The following MTA3 variants were observed in gnomAD, a reference collection of about 807,000 sequenced individuals.
MTA3 encodes the protein metastasis-associated protein MTA3.
MTA3 carries 34 observed loss-of-function variants against 83.5 expected under a neutral mutation model. The ratio of observed to expected loss-of-function variants is 0.41; its 90% CI spans 0.31 to 0.54. MTA3 has a LOEUF of 0.54. Among genes scored for constraint, MTA3 ranks in the 20% least tolerant of loss-of-function variants. The pLI is 0.33. For missense variants in MTA3, 761 were observed against 726.4 expected (o/e 1.05, Z -0.55); for synonymous variants, 303 against 252.7 (o/e 1.20, Z -1.89).
intron 2 of MTA3, among the ~76,000 whole-genome samples, chr2:42,522,309 G>A (rs1429910377): frequency 6.6e-6 from 1 of 152,146 alleles, no homozygotes; most frequent in East Asian, 1.9e-4. Flanking sequence ...TGTGTCAAGG[G>A]TACAATCAGA....
At chr2:42,577,091 T>TAA (rs1173783991) in intron 2 of MTA3, among the ~76,000 whole-genome samples, 47 of 19,212 alleles carry the variant, frequency 2.4e-3, no homozygotes, top group African/African-American at 0.011. Context: ...GTACTCCATC[T>TAA]AAAAAAAAAA....
At position 42,659,846 on chromosome 2, in the gene MTA3, C is replaced by T; in HGVS notation, c.686C>T (p.Ser229Phe). Reference sequence around the variant, plus strand: ...TTGCATATGAGTGCTGCTGCAGCTTCCCGAGACATCACCTTGGTAAGACAT... The same window carrying T: ...TTGCATATGAGTGCTGCTGCAGCTTTCCGAGACATCACCTTGGTAAGACAT... The part of the protein sequence containing the change: ...PSLHMSAAAA[S>F]RDITLFHAMD... Residue 229 changes from serine to phenylalanine, a missense_variant, in exon 8 of 17, where the codon TCC becomes TTC. Transcript: ENST00000405094. 1 of 1,603,214 alleles carries T rather than the reference C, an allele frequency of 6.2e-7. No homozygotes were observed. The highest frequency in any genetic ancestry group is 8.5e-7 in the Non-Finnish European group (1 of 1,175,044).
intron 2 of MTA3, among the ~76,000 whole-genome samples, chr2:42,508,167 C>G (rs1674723883): frequency 6.6e-6 from 1 of 152,066 alleles, no homozygotes; most frequent in African/African-American, 2.4e-5. Context: ...TCAGTCAAGT[C>G]TCAGTTCAAA....
chr2:42,499,478 A>G (rs1382069958), intron 2 of MTA3, among the ~76,000 whole-genome samples: 1 of 149,554 alleles, frequency 6.7e-6, no homozygotes, highest in African/African-American at 2.5e-5. Flanking sequence ...GGTAGATCTT[A>G]TAGGTGTTCT....
At chr2:42,577,217 G>A (rs1256670970) in intron 2 of MTA3, among the ~76,000 whole-genome samples, 1 of 150,192 alleles carries the variant, frequency 6.7e-6, no homozygotes, top group Non-Finnish European at 1.5e-5. Context: ...GTTGCAGACT[G>A]GCACTGGGCT....
At chr2:42,650,524 C>T (rs1390066884) in intron 6 of MTA3, among the ~76,000 whole-genome samples, 40 of 151,972 alleles carry the variant, frequency 2.6e-4, no homozygotes, top group Admixed American at 2.6e-3. Context: ...ACTGCAAGCT[C>T]CGCCTCCCGG....
intron 4 of MTA3, among the ~76,000 whole-genome samples, chr2:42,632,332 C>T (rs1036532574): frequency 8.6e-5 from 13 of 152,002 alleles, no homozygotes; most frequent in East Asian, 3.9e-4. Flanking sequence ...CCTCATGATC[C>T]GCCCACCTCG....
chr2:42,508,775 T>G (rs1474354026), intron 2 of MTA3, among the ~76,000 whole-genome samples: 1 of 147,120 alleles, frequency 6.8e-6, no homozygotes, highest in Non-Finnish European at 1.5e-5. Context: ...TTATATAATA[T>G]ATTTAATATA....
At chr2:42,666,123 A>G (rs1354772874) in intron 8 of MTA3, among the ~76,000 whole-genome samples, 1 of 152,040 alleles carries the variant, frequency 6.6e-6, no homozygotes, top group Non-Finnish European at 1.5e-5. Context: ...TAAAAATACA[A>G]AAAATTAGCT....
At chr2:42,708,789 C>T (rs888293905) in intron 13 of MTA3, 85 bp from the exon 14 acceptor site, 10 of 1,381,002 alleles carry the variant, frequency 7.2e-6, no homozygotes, top group Non-Finnish European at 1.0e-5. Flanking sequence ...TTAAAAGTTG[C>T]ACTTTTCTTT....
rs1442528026 is a variant in MTA3, at chr2:42,709,074, T to C, written c.1503T>C (p.Asn501=). Residue 501 remains asparagine (N), a synonymous_variant, in exon 14 of 17, where the codon AAT becomes AAC. Coordinates refer to ENST00000405094, the MANE Select transcript of MTA3 (RefSeq NM_001330442.2). ...CAAGACGGCCGTTTGTTGCTATTAA[T>C]TATGCTGCCATTAGGGCAGAATGTA... is the stretch of plus-strand genomic sequence containing the variant. ...QAARRPFVAI[N]YAAIRAEYAD... is the part of the protein sequence containing the mutation. 6.2e-7 allele frequency: 1 copy of C among 1,607,768 alleles called. No homozygotes were observed. Among genetic ancestry groups the C allele is most frequent in the African/African-American group, 1.3e-5 (1 of 74,800 alleles).
chr2:42,518,094 T>A (rs1394540792), intron 2 of MTA3, among the ~76,000 whole-genome samples: 2 of 151,734 alleles, frequency 1.3e-5, no homozygotes, highest in Non-Finnish European at 2.9e-5. Context: ...GGCAGGAGAA[T>A]CGCTTGAACC....
At chr2:42,592,735 AAC>A (rs2103946299) in intron 3 of MTA3, among the ~76,000 whole-genome samples, 1 of 152,338 alleles carries the variant, frequency 6.6e-6, no homozygotes, top group East Asian at 1.9e-4. Flanking sequence ...CAGGAACAGT[AAC>A]ACACACGGAG....
At position 42,681,756 on chromosome 2, in the gene MTA3, C is replaced by T. The variant is rs145643491; in HGVS notation, c.703-645C>T. On this transcript the variant is annotated intron_variant, in intron 8 of 16. Coordinates refer to ENST00000405094, the MANE Select transcript of MTA3 (RefSeq NM_001330442.2). ...AAACTCCTGGGCTCAAGTGTTCCTC[C>T]CACCTTGGCTTCTCAAAGCGCTGGG... Among the ~76,000 whole-genome samples, 810 of 152,070 alleles carry T rather than the reference C, an allele frequency of 5.3e-3. 1 individual carries two copies. Among genetic ancestry groups the T allele is most frequent in the Non-Finnish European group, 8.7e-3 (594 of 67,982 alleles).
At chr2:42,733,843 A>G (rs1345778847) in intron 16 of MTA3, among the ~76,000 whole-genome samples, 1 of 152,112 alleles carries the variant, frequency 6.6e-6, no homozygotes, top group African/African-American at 2.4e-5. Context: ...GTAGTTTCCA[A>G]TATTCCTGTT....
At chr2:42,548,141 T>C (rs1463682526) in intron 2 of MTA3, among the ~76,000 whole-genome samples, 1 of 152,190 alleles carries the variant, frequency 6.6e-6, no homozygotes, top group Admixed American at 6.6e-5. Context: ...GGTTTTGTTT[T>C]CTGAGGTTTT....
intron 3 of MTA3, among the ~76,000 whole-genome samples, chr2:42,582,366 T>G (rs1679767536): frequency 6.6e-6 from 1 of 152,218 alleles, no homozygotes; most frequent in Non-Finnish European, 1.5e-5. Context: ...CCCGAGATAT[T>G]TTACCTTTTT....
At chr2:42,720,951 CAAAAAAAAAAA>C (rs377702701) in intron 15 of MTA3, among the ~76,000 whole-genome samples, 2 of 69,588 alleles carry the variant, frequency 2.9e-5, no homozygotes, top group African/African-American at 1.1e-4. Context: ...GACCCTGTCT[CAAAAAAAAAAA>C]AAAAAAAAAA....
chr2:42,682,468 C>T lies in MTA3; in HGVS notation c.770C>T (p.Pro257Leu). 1 of 1,612,222 alleles carries T rather than the reference C, an allele frequency of 6.2e-7. No homozygotes were observed. The highest frequency in any genetic ancestry group is 8.5e-7 in the Non-Finnish European group (1 of 1,179,150). ...AGCAGTGCCATTAGTGTCTTAGTAC[C>T]ACTCGGAGGACCTGTTTTATGCAGA... ...DLSSAISVLV[P>L]LGGPVLCRDE... Residue 257 changes from proline (P) to leucine (L), a missense_variant, in exon 9 of 17, where the codon CCA becomes CTA. Coordinates refer to ENST00000405094, the MANE Select transcript of MTA3 (RefSeq NM_001330442.2).
Sources: allele counts gnomAD v4.1 joint callset (sites outside exome capture counted in the v4.1 genomes callset), GRCh38; gene constraint gnomAD v4.1.1; transcripts MANE v1.5; gene names NCBI Gene and HGNC (gene_info 2026-07-23, HGNC 2026-07-21).